Variants in CHD1L observed in about 807,000 individuals in gnomAD.
The protein encoded by CHD1L is ATP-dependent chromatin remodeler CHD1L.
A neutral mutation model predicts 115.9 loss-of-function variants in CHD1L; 118 were observed. The ratio of observed to expected loss-of-function variants is 1.02; its 90% CI spans 0.88 to 1.19. The LOEUF (loss-of-function observed/expected upper bound fraction) is 1.19, where lower values mean the gene tolerates loss of function less well. CHD1L is among the 50% of genes most tolerant of loss of function. CHD1L has a pLI of 0.00. For missense variants in CHD1L, 1,179 were observed against 1,065.3 expected (o/e 1.11, Z -1.49); for synonymous variants, 411 against 387.1 (o/e 1.06, Z -0.72).
chr1:147,237,853 A>G (rs782414557), upstream of CHD1L, among the ~76,000 whole-genome samples: 2 of 152,156 alleles, frequency 1.3e-5, no homozygotes, highest in Non-Finnish European at 2.9e-5. Flanking sequence ...AAAGGAAAAC[A>G]CTGTCCTTTC....
In CHD1L at chr1:147,264,429, T is replaced by A. The variant is rs1673111080; in HGVS notation, c.584T>A (p.Val195Glu). The part of the protein sequence containing the change: ...LLHKTLSEFS[V>E]VFSLLLTGTP... ...TTTATTTATGTATTTGAGTTCTCAG[T>A]AGTCTTCAGTCTCCTGTTGACCGGA... The change falls in exon 7 of 23, where the codon GTA (valine) becomes GAA (glutamate). Residue 195 changes from valine to glutamate, a missense_variant. Val to Glu is a moderately radical substitution (Grantham distance 121, BLOSUM62 -2). Coordinates refer to ENST00000369258, the MANE Select transcript of CHD1L (RefSeq NM_004284.6). 1 of 1,606,206 alleles carries A rather than the reference T, an allele frequency of 6.2e-7. No homozygotes were observed.
rs1409824873 is a variant in CHD1L at position 147,268,715 on chromosome 1, TAGCCTAGC to T, written c.989-66_989-59del. On this transcript the variant is annotated intron_variant, in intron 9 of 22. Coordinates refer to ENST00000369258, the MANE Select transcript of CHD1L (RefSeq NM_004284.6). ...GATGAGCTTTTGGCTTCTCTTCCTG[TAGCCTAGC>T]TACTGGCTTCTGCCCTTACTGAGGG... 1.0e-5 allele frequency: 13 copies of T among 1,301,982 alleles called. No homozygotes were observed. In the African/African-American group the frequency reaches 1.9e-4, roughly 19 times the overall value. 80.7% of individuals were successfully genotyped at this position (1,301,982 alleles called of 1,614,324 possible). A position where few individuals can be genotyped will look rare whatever the true frequency, so the allele number is the denominator to read the frequency against.
chr1:147,226,036 GTTA>G, the CHD1L span, among the ~76,000 whole-genome samples: 1 of 151,708 alleles, frequency 6.6e-6, no homozygotes, highest in Non-Finnish European at 1.5e-5. Context: ...AGGGGTTGAT[GTTA>G]TTATTATTAC....
At chr1:147,272,414 T>G in intron 12 of CHD1L, 133 bp downstream of exon 12, 2 of 636,588 alleles carry the variant, frequency 3.1e-6, no homozygotes, top group Non-Finnish European at 5.5e-6. Context: ...AACAAGGTAC[T>G]GGACATCAAG....
At chr1:147,246,207 T>C (rs1252558889) in intron 1 of CHD1L, among the ~76,000 whole-genome samples, 2 of 152,242 alleles carry the variant, frequency 1.3e-5, no homozygotes, top group Non-Finnish European at 2.9e-5. Flanking sequence ...TGGAGATTCA[T>C]CCAGGTCGTT....
intron 21 of CHD1L, among the ~76,000 whole-genome samples, chr1:147,293,987 C>T (rs1250140896): frequency 6.6e-6 from 1 of 152,138 alleles, no homozygotes; most frequent in Non-Finnish European, 1.5e-5. Flanking sequence ...GAGGACTAGA[C>T]ATGAAGCAAC....
chr1:147,291,646 T>C, intron 20 of CHD1L, 94 bp downstream of exon 20: 3 of 941,996 alleles, frequency 3.2e-6, no homozygotes, highest in East Asian at 4.9e-5. Flanking sequence ...TCTGCTAGTG[T>C]ATTAGTTTGT....
intron 8 of CHD1L, among the ~76,000 whole-genome samples, 162 bp from the exon 9 acceptor site, chr1:147,267,264 C>T (rs1197965296): frequency 6.6e-6 from 1 of 152,110 alleles, no homozygotes; most frequent in Non-Finnish European, 1.5e-5. Context: ...TGTGAACATG[C>T]TGTTAATTCT....
chr1:147,182,513 T>A, the CHD1L span, among the ~76,000 whole-genome samples: 1 of 151,560 alleles, frequency 6.6e-6, no homozygotes, highest in East Asian at 1.9e-4. Context: ...CATTGTTATT[T>A]GAGGTTTTTC....
the CHD1L span, among the ~76,000 whole-genome samples, chr1:147,209,362 T>C: frequency 1.1e-4 from 15 of 139,088 alleles, no homozygotes; most frequent in Admixed American, 8.9e-4. Flanking sequence ...GGCGTCAACC[T>C]GGGAGGCGGA....
chr1:147,205,000 C>A, the CHD1L span: 2 of 846,838 alleles, frequency 2.4e-6, no homozygotes, highest in African/African-American at 1.7e-5. Context: ...GGTTTTCATG[C>A]CTGATGAACC....
chr1:147,208,664 C>A, the CHD1L span: 1 of 491,924 alleles, frequency 2.0e-6, no homozygotes, highest in Non-Finnish European at 3.7e-6. Context: ...GTCTCAAACT[C>A]CTGAGCTCAG....
At chr1:147,293,075 T>G (rs74121641) in intron 20 of CHD1L, among the ~76,000 whole-genome samples, 2,427 of 152,332 alleles carry the variant, frequency 0.016, 73 homozygotes, top group African/African-American at 0.056. Flanking sequence ...TAGAGCACCA[T>G]GTCTATGATA....
At chr1:147,204,919 A>G in the CHD1L span, 19 of 1,567,900 alleles carry the variant, frequency 1.2e-5, no homozygotes, top group Non-Finnish European at 1.7e-5. Flanking sequence ...AGCCTTGGGA[A>G]CTTGAAGCGC....
chr1:147,232,623 C>T, the CHD1L span, among the ~76,000 whole-genome samples: 7 of 148,948 alleles, frequency 4.7e-5, no homozygotes, highest in Non-Finnish European at 1.0e-4. Flanking sequence ...CTCAGCCTGC[C>T]GAGTGCCTGC....
chr1:147,229,292 G>T, the CHD1L span, among the ~76,000 whole-genome samples: 1 of 152,014 alleles, frequency 6.6e-6, no homozygotes, highest in Non-Finnish European at 1.5e-5. Flanking sequence ...TTGTTTTTGT[G>T]AGGTTTGTCA....
At chr1:147,269,771 G>C (rs1373816169) in intron 10 of CHD1L, among the ~76,000 whole-genome samples, 3 of 152,032 alleles carry the variant, frequency 2.0e-5, no homozygotes, top group African/African-American at 7.3e-5. Flanking sequence ...CTTTCTAGAG[G>C]AGTCTAGGAA....
the CHD1L span, chr1:147,215,918 TG>T: frequency 8.7e-6 from 14 of 1,607,718 alleles, no homozygotes; most frequent in Middle Eastern, 3.3e-4. Flanking sequence ...TTGTAAATAC[TG>T]GCCCTTCCTT....
chr1:147,232,780 T>C, the CHD1L span, among the ~76,000 whole-genome samples: 1 of 152,196 alleles, frequency 6.6e-6, no homozygotes, highest in African/African-American at 2.4e-5. Flanking sequence ...GGATTGCAGA[T>C]GGTGTCTGGT....
Sources: gnomAD v4.1 joint callset for allele counts (sites outside exome capture counted in the v4.1 genomes callset) on GRCh38, gnomAD v4.1.1 for gene constraint, MANE v1.5 for transcripts, NCBI Gene and HGNC (gene_info 2026-07-23, HGNC 2026-07-21) for gene names.